The following MLH3 variants were observed in gnomAD, a reference collection of about 807,000 sequenced individuals.
MLH3 encodes mutL homolog 3, also known as DNA mismatch repair protein Mlh3.
Under a neutral mutation model 122.2 loss-of-function variants are expected in MLH3, and 82 were observed. The ratio of observed to expected loss-of-function variants is 0.67; its 90% confidence interval spans 0.56 to 0.81. The LOEUF (loss-of-function observed/expected upper bound fraction) is 0.81, where lower values mean the gene tolerates loss of function less well. Ranked by LOEUF, MLH3 falls within the 30% of genes least tolerant of loss-of-function variation. MLH3 has a pLI of 0.00. For synonymous variants in MLH3, 524 were observed against 599.5 expected (o/e 0.87, Z 1.84); for missense variants, 1,539 against 1,714.5 (o/e 0.90, Z 1.81).
At position 75,038,280 on chromosome 14, in the gene MLH3, T is replaced by C. The variant is rs901818255; in HGVS notation, c.3643+60A>G. The C allele has an allele frequency of 6.1e-6, 7 of 1,145,564 alleles. No homozygotes were observed. In the South Asian group the frequency reaches 6.1e-5, roughly 10 times the overall value. 71.0% of individuals were successfully genotyped at this position (1,145,564 alleles called of 1,614,324 possible). A position where few individuals can be genotyped will look rare whatever the true frequency, so the allele number is the denominator to read the frequency against. On this transcript the variant is annotated intron_variant, in intron 6 of 12. Transcript: ENST00000355774. ...CTATATTATATACCAAAAATAATCA[T>C]TAAAAAAAGGTTACAAGAAGACCAG...
At chr14:75,024,311 C>T (rs1216802889) in intron 9 of MLH3, among the ~76,000 whole-genome samples, 1 of 150,764 alleles carries the variant, frequency 6.6e-6, no homozygotes, top group East Asian at 2.0e-4. Context: ...AAGCGATTCT[C>T]CTGCCTCAGC....
chr14:75,027,664 T>TAAAA lies in MLH3; in HGVS notation c.3987+2875_3987+2878dup, dbSNP rs56986784. Among the ~76,000 whole-genome samples the TAAAA allele has an allele frequency of 4.4e-3, 134 of 30,478 alleles. 3 individuals are homozygous for TAAAA. The highest frequency in any genetic ancestry group is 8.5e-3 in the African/African-American group (64 of 7,494). 20.0% of individuals were successfully genotyped at this position (30,478 alleles called of 152,430 possible). A position where few individuals can be genotyped will look rare whatever the true frequency, so the allele number is the denominator to read the frequency against. ...AGATCTTGTAAGAGATTTACTTCAG[T>TAAAA]AAAAAAAAAAAAAAAAAAAAAAAAA... On this transcript the variant is annotated intron_variant, in intron 9 of 12. Coordinates refer to ENST00000355774, the MANE Select transcript of MLH3 (RefSeq NM_001040108.2).
chr14:75,017,808 C>T (rs1253880256), intron 12 of MLH3, among the ~76,000 whole-genome samples: 2 of 152,064 alleles, frequency 1.3e-5, no homozygotes, highest in African/African-American at 4.8e-5. Flanking sequence ...AAACTCCATG[C>T]AAGAAAAGAT....
intron 1 of MLH3, among the ~76,000 whole-genome samples, chr14:75,050,469 G>A (rs533927665): frequency 2.6e-5 from 4 of 152,156 alleles, no homozygotes; most frequent in East Asian, 1.9e-4. Flanking sequence ...ACACAATCTC[G>A]GCTCACTGCA....
Position 75,049,418 on chromosome 14 carries a change from A to C in MLH3, c.238T>G (p.Ser80Ala). The change falls in exon 2 of 13, where the codon TCG becomes GCG. Residue 80 changes from serine (S) to alanine (A), a missense_variant. Ser to Ala is a moderately conservative substitution (Grantham distance 99, BLOSUM62 1). Coordinates refer to ENST00000355774, the MANE Select transcript of MLH3 (RefSeq NM_001040108.2). The stretch of plus-strand genomic sequence containing the variant: ...CTTGGATTCTCCAAGTCCTGTACCG[A>C]GTGGCATTTACTGGTGAAATAACGA... ...GNRYFTSKCH[S>A]VQDLENPRFY... 6.2e-7 allele frequency: 1 copy of C among 1,614,030 alleles called. No individual in the cohort carries two copies. Among genetic ancestry groups the C allele is most frequent in the South Asian group, 1.1e-5 (1 of 91,088 alleles).
intron 12 of MLH3, 118 bp downstream of exon 12, chr14:75,018,711 T>C: frequency 8.6e-7 from 1 of 1,162,504 alleles, no homozygotes; most frequent in Non-Finnish European, 1.3e-6. Flanking sequence ...CAGTGCAGAT[T>C]TTGCAAAACT....
At position 75,018,964 on chromosome 14, in the gene MLH3, A is replaced by G. The variant is rs1595024075; in HGVS notation, c.4107T>C (p.Asn1369=). Residue 1369 remains asparagine (N), a synonymous_variant, in exon 12 of 13, where the codon AAT becomes AAC. Transcript: ENST00000355774. ...SQACHGAIKF[N]DGLSLQESCR... is the part of the protein sequence containing the mutation. The stretch of plus-strand genomic sequence containing the variant: ...AACTTTCCTGTAAGCTCAGGCCATC[A>G]TTAAACTTAATGGCCCCTAAATGAA... 2 of 1,614,214 alleles carry G rather than the reference A, an allele frequency of 1.2e-6. No individual in the cohort carries two copies. The highest frequency in any genetic ancestry group is 1.1e-5 in the South Asian group (1 of 91,092).
chr14:75,023,714 GGTA>G (rs1890439183), intron 9 of MLH3, among the ~76,000 whole-genome samples: 1 of 152,008 alleles, frequency 6.6e-6, no homozygotes, highest in Admixed American at 6.5e-5. Flanking sequence ...AACCTCTGGA[GGTA>G]AAAAGAAAAA....
In MLH3 at chr14:75,017,140, G is replaced by A; in HGVS notation, c.4304C>T (p.Ala1435Val). 1.2e-6 allele frequency: 2 copies of A among 1,614,046 alleles called. No individual in the cohort carries two copies. The highest frequency in any genetic ancestry group is 8.5e-7 in the Non-Finnish European group (1 of 1,179,914). The change falls in exon 13 of 13, where the codon GCA becomes GTA. Residue 1435 changes from alanine to valine, a missense_variant. Coordinates refer to ENST00000355774, the MANE Select transcript of MLH3 (RefSeq NM_001040108.2). ...CAGGCTCTGCCTTGTATCACACTCT[G>A]CTTTTCCAAAGAGACGCCAGGCCTG... ...MAQAWRLFGK[A>V]ECDTRQSLQQ...
At position 75,048,998 on chromosome 14, in the gene MLH3, A is replaced by G; in HGVS notation, c.658T>C (p.Ser220Pro). Residue 220 changes from serine (S) to proline (P), a missense_variant, in exon 2 of 13, where the codon TCC (serine) becomes CCC (proline). By Grantham distance (74) the Ser-to-Pro change is moderately conservative. Coordinates refer to ENST00000355774, the MANE Select transcript of MLH3 (RefSeq NM_001040108.2). Reference protein sequence around the residue: ...RFCQIYGLGKSQKLREISFKY... With the variant: ...RFCQIYGLGKPQKLREISFKY... ...AAACTTATTTCTCTTAGCTTTTGGG[A>G]CTTTCCCAATCCATAAATTTGACAA... 1 of 1,614,082 alleles carries G rather than the reference A, an allele frequency of 6.2e-7. No homozygotes were observed. Among genetic ancestry groups the G allele is most frequent in the Non-Finnish European group, 8.5e-7 (1 of 1,179,994 alleles).
In MLH3 at chr14:75,039,899, T is replaced by G; in HGVS notation, c.3570+12A>C. 1 of 1,103,544 alleles carries G rather than the reference T, an allele frequency of 9.1e-7. No individual in the cohort carries two copies. Among genetic ancestry groups the G allele is most frequent in the South Asian group, 1.3e-5 (1 of 77,460 alleles). The allele number at this position is 1,103,544 out of a possible 1,614,324, so 68.4% of individuals were successfully genotyped here. The stretch of plus-strand genomic sequence containing the variant: ...TATATATATTTATGAGATTTTGAAG[T>G]TAATCTTTTACCTGCATTGAATGAA... On this transcript the variant is annotated intron_variant, in intron 5 of 12. Transcript: ENST00000355774.
At chr14:75,042,546 C>A in intron 2 of MLH3, 69 bp from the exon 3 acceptor site, 1 of 1,183,666 alleles carries the variant, frequency 8.4e-7, no homozygotes, top group Non-Finnish European at 1.3e-6. Flanking sequence ...AAAATTTAAT[C>A]ACATAAAACC....
chr14:75,027,822 T>C (rs1370299003), intron 9 of MLH3, among the ~76,000 whole-genome samples: 1 of 150,168 alleles, frequency 6.7e-6, no homozygotes, highest in Admixed American at 6.6e-5. Context: ...AAAAACAAGG[T>C]GGAATTAAAG....
chr14:75,033,318 A>C lies in MLH3; in HGVS notation c.3715+101T>G. The C allele has an allele frequency of 4.4e-6, 4 of 905,028 alleles. No individual in the cohort carries two copies. In the South Asian group the frequency reaches 5.5e-5, roughly 12 times the overall value. 56.1% of individuals were successfully genotyped at this position (905,028 alleles called of 1,614,324 possible). A position where few individuals can be genotyped will look rare whatever the true frequency, so the allele number is the denominator to read the frequency against. On this transcript the variant is annotated intron_variant, in intron 7 of 12. Transcript: ENST00000355774. ...GTTTAATTTTTGAACATACAGTACA[A>C]AGTGTGCTTTCTCACAACAGTTGCA... is the stretch of plus-strand genomic sequence containing the variant.
Position 75,047,920 on chromosome 14 carries a change from G to A in MLH3, c.1736C>T (p.Thr579Ile), listed in dbSNP as rs1479954154. The change falls in exon 2 of 13, where the codon ACA becomes ATA. Residue 579 changes from threonine (T) to isoleucine (I), a missense_variant. Coordinates refer to ENST00000355774, the MANE Select transcript of MLH3 (RefSeq NM_001040108.2). ...AGATTCTTTTTTTTTCTCTTTCTCT[G>A]TCTGAGCACTATGTACTCCCCATAA... ...TTLWGVHSAQTEKEKKKESSN... is the reference protein window; with the variant it reads ...TTLWGVHSAQIEKEKKKESSN... The A allele has an allele frequency of 4.2e-5, 67 of 1,612,858 alleles. No individual in the cohort carries two copies. Among genetic ancestry groups the A allele is most frequent in the Non-Finnish European group, 5.6e-5 (66 of 1,179,758 alleles).
At position 75,016,779 on chromosome 14, in the gene MLH3, CCAAT is replaced by C. The variant is rs1217619886; in HGVS notation, c.*299_*302del. On this transcript the variant is annotated 3_prime_UTR_variant, in exon 13 of 13. Transcript: ENST00000355774. The stretch of plus-strand genomic sequence containing the variant: ...ACCCTTCAAATAACAAACCAAGCAA[CCAAT>C]CAAACTGTCATTAAATTTTATCATT... 2.3e-5 allele frequency: 7 copies of C among 298,156 alleles called. No individual in the cohort carries two copies. Among genetic ancestry groups the C allele is most frequent in the Admixed American group, 9.2e-5 (2 of 21,634 alleles). 18.5% of individuals were successfully genotyped at this position (298,156 alleles called of 1,614,324 possible). A position where few individuals can be genotyped will look rare whatever the true frequency, so the allele number is the denominator to read the frequency against.
intron 4 of MLH3, 90 bp downstream of exon 4, chr14:75,041,525 G>A (rs2139489429): frequency 1.0e-6 from 1 of 1,000,928 alleles, no homozygotes; most frequent in South Asian, 1.3e-5. Context: ...TTCAGTCTGG[G>A]CAACAGGAGC....
intron 4 of MLH3, among the ~76,000 whole-genome samples, chr14:75,040,862 A>G (rs1372972754): frequency 1.3e-5 from 2 of 152,172 alleles, no homozygotes; most frequent in African/African-American, 4.8e-5. Flanking sequence ...CTGTTCTCAC[A>G]TTGATTATAC....
intron 11 of MLH3, among the ~76,000 whole-genome samples, chr14:75,020,216 C>T (rs572138496): frequency 3.9e-5 from 6 of 152,288 alleles, no homozygotes; most frequent in South Asian, 2.1e-4. Context: ...AGTGATATGA[C>T]GTGACACTGG....
Sources: gnomAD v4.1 joint callset for allele counts (sites outside exome capture counted in the v4.1 genomes callset) on GRCh38, gnomAD v4.1.1 for gene constraint, MANE v1.5 for transcripts, NCBI Gene and HGNC (gene_info 2026-07-23, HGNC 2026-07-21) for gene names.